The following PCDH7 variants were observed in gnomAD, a reference collection of about 807,000 sequenced individuals.
PCDH7 encodes protocadherin-7.
PCDH7 carries 17 observed loss-of-function variants against 58.9 expected under a neutral mutation model. That is an observed-to-expected ratio of 0.29 (90% confidence interval 0.20 to 0.43). The LOEUF is 0.43. Among genes scored for constraint, PCDH7 ranks in the 20% least tolerant of loss-of-function variants. The pLI, the probability that PCDH7 is intolerant of heterozygous loss-of-function variation, is 1.00. For missense variants in PCDH7, 1,274 were observed against 1,441.0 expected, an observed-to-expected ratio of 0.88 and a Z score of 1.88; for synonymous variants, 664 against 616.4, an observed-to-expected ratio of 1.08 and a Z score of -1.14.
At chr4:31,006,574 G>A (rs1752781261) in intron 3 of PCDH7, among the ~76,000 whole-genome samples, 1 of 152,132 alleles carries the variant, frequency 6.6e-6, no homozygotes, top group South Asian at 2.1e-4. Flanking sequence ...CACGTATAAT[G>A]TGAGTTTAAC....
At chr4:30,863,812 C>A (rs1046672069) in intron 1 of PCDH7, among the ~76,000 whole-genome samples, 1 of 152,060 alleles carries the variant, frequency 6.6e-6, no homozygotes, top group East Asian at 1.9e-4. Flanking sequence ...TTTTTTCCAA[C>A]CCCCAAGAGA....
At chr4:30,966,550 C>T (rs1194744300) in intron 3 of PCDH7, among the ~76,000 whole-genome samples, 1 of 151,984 alleles carries the variant, frequency 6.6e-6, no homozygotes. Context: ...AAGAGAAACA[C>T]ATTTTTATTT....
At chr4:30,843,410 T>TA (rs1205337862) in intron 1 of PCDH7, among the ~76,000 whole-genome samples, 1 of 152,124 alleles carries the variant, frequency 6.6e-6, no homozygotes, top group Non-Finnish European at 1.5e-5. Flanking sequence ...GCCAGGCTGG[T>TA]CTTGAACTCT....
chr4:30,838,542 C>T (rs945254724), intron 1 of PCDH7, among the ~76,000 whole-genome samples: 1 of 152,048 alleles, frequency 6.6e-6, no homozygotes, highest in African/African-American at 2.4e-5. Context: ...CATTAAGCCA[C>T]GTGGAAGTGA....
At chr4:30,852,334 C>G (rs1322653541) in intron 1 of PCDH7, among the ~76,000 whole-genome samples, 1 of 151,984 alleles carries the variant, frequency 6.6e-6, no homozygotes, top group Non-Finnish European at 1.5e-5. Flanking sequence ...GTGCCTAAGT[C>G]AAGAAAGCAA....
chr4:30,748,171 T>C (rs1344336262), intron 1 of PCDH7, among the ~76,000 whole-genome samples: 1 of 152,214 alleles, frequency 6.6e-6, no homozygotes, highest in East Asian at 1.9e-4. Context: ...ATTCAACTTA[T>C]CAAGTGCTTG....
At chr4:30,953,568 GAA>G (rs879551188) in intron 3 of PCDH7, among the ~76,000 whole-genome samples, 2 of 142,384 alleles carry the variant, frequency 1.4e-5, no homozygotes, top group Admixed American at 7.0e-5. Context: ...CACCTTCAAG[GAA>G]AAAAAAAAAG....
At chr4:30,826,126 C>A (rs939157631) in intron 1 of PCDH7, among the ~76,000 whole-genome samples, 2 of 152,112 alleles carry the variant, frequency 1.3e-5, no homozygotes, top group African/African-American at 4.8e-5. Flanking sequence ...AACACAATGG[C>A]AGATCATAAG....
At chr4:30,803,639 C>T (rs557149177) in intron 1 of PCDH7, among the ~76,000 whole-genome samples, 3 of 152,318 alleles carry the variant, frequency 2.0e-5, no homozygotes, top group South Asian at 4.1e-4. Context: ...CAGGGTCTTG[C>T]TGTTACCCAG....
intron 1 of PCDH7, among the ~76,000 whole-genome samples, chr4:30,879,443 T>C (rs1203598347): frequency 6.7e-6 from 1 of 150,152 alleles, no homozygotes; most frequent in African/African-American, 2.5e-5. Context: ...CATATTAGAG[T>C]ATTTTTTTTT....
intron 2 of PCDH7, among the ~76,000 whole-genome samples, chr4:30,948,607 A>G (rs1298875382): frequency 6.6e-6 from 1 of 152,178 alleles, no homozygotes; most frequent in East Asian, 1.9e-4. Context: ...TAGAATCCCA[A>G]GCAATGGTGC....
intron 1 of PCDH7, chr4:30,884,377 G>A (rs1737403472): frequency 6.6e-6 from 1 of 152,124 alleles, no homozygotes. Flanking sequence ...TTTTCCCTGA[G>A]TTATCCTGGG....
intron 3 of PCDH7, among the ~76,000 whole-genome samples, chr4:30,986,026 C>T (rs1750934780): frequency 6.6e-6 from 1 of 152,068 alleles, no homozygotes; most frequent in Non-Finnish European, 1.5e-5. Flanking sequence ...TTTTTAAATT[C>T]AAAGCTTAGT....
At chr4:31,075,608 C>T (rs1758917159) in intron 3 of PCDH7, among the ~76,000 whole-genome samples, 1 of 152,122 alleles carries the variant, frequency 6.6e-6, no homozygotes, top group South Asian at 2.1e-4. Flanking sequence ...TGACTTGGGA[C>T]CCTCAAGACA....
chr4:30,938,498 ACACACACGCACACACT>A (rs2109433368), intron 2 of PCDH7, among the ~76,000 whole-genome samples: 1 of 151,914 alleles, frequency 6.6e-6, no homozygotes, highest in African/African-American at 2.4e-5. Flanking sequence ...ACACACACAC[ACACACACGCACACACT>A]CACACACACC....
chr4:31,017,476 A>T (rs1753708806), intron 3 of PCDH7, among the ~76,000 whole-genome samples: 1 of 152,150 alleles, frequency 6.6e-6, no homozygotes, highest in Non-Finnish European at 1.5e-5. Context: ...AGACTTTCGG[A>T]ATCACTTATT....
At chr4:31,032,384 G>A (rs906936737) in intron 3 of PCDH7, among the ~76,000 whole-genome samples, 2 of 152,078 alleles carry the variant, frequency 1.3e-5, no homozygotes, top group South Asian at 2.1e-4. Flanking sequence ...AAGGCGGGTG[G>A]ATCACTTGAA....
intron 1 of PCDH7, among the ~76,000 whole-genome samples, chr4:30,873,005 A>T (rs1735820232): frequency 6.6e-6 from 1 of 152,096 alleles, no homozygotes; most frequent in Admixed American, 6.6e-5. Flanking sequence ...TACTCAGCAA[A>T]AGGAATTACT....
Position 30,721,300 on chromosome 4 carries a change from C to T in PCDH7, c.-123C>T, listed in dbSNP as rs1713470128. 1 of 1,038,010 alleles carries T rather than the reference C, an allele frequency of 9.6e-7. No homozygotes were observed. The highest frequency in any genetic ancestry group is 1.8e-5 in the South Asian group (1 of 56,720). 64.3% of individuals were successfully genotyped at this position (1,038,010 alleles called of 1,614,324 possible). A position where few individuals can be genotyped will look rare whatever the true frequency, so the allele number is the denominator to read the frequency against. ...CTTTTGCCCCCTCCCTCCCCTCCCT[C>T]TCGCTCCTTCCTTTCCGGGAGAGGG... On this transcript the variant is annotated 5_prime_UTR_variant, in exon 1 of 2. Coordinates refer to ENST00000361762, the Ensembl canonical transcript of PCDH7. The surrounding 1 kb of genome is among the most constrained non-coding windows in gnomAD (Gnocchi z 6.7).
Sources: gnomAD v4.1 joint callset for allele counts (sites outside exome capture counted in the v4.1 genomes callset) on GRCh38, gnomAD v4.1.1 for gene constraint, Gnocchi (gnomAD v3.1) non-coding constraint, MANE v1.5 for transcripts, NCBI Gene and HGNC (gene_info 2026-07-23, HGNC 2026-07-21) for gene names.